The following ULK4 variants were observed in gnomAD, a reference collection of about 807,000 sequenced individuals.
ULK4 encodes the protein unc-51 like kinase 4.
Under a neutral mutation model 160.6 loss-of-function variants are expected in ULK4, and 133 were observed. That is an observed-to-expected ratio of 0.83 (90% CI 0.72 to 0.96). ULK4 has a LOEUF of 0.96. ULK4 is among the 40% of genes least tolerant of loss of function. The pLI is 0.00. For missense variants in ULK4, 1,580 were observed against 1,499.5 expected (o/e 1.05, Z -0.89); for synonymous variants, 534 against 539.8 (o/e 0.99, Z 0.15).
At chr3:41,742,337 T>C (rs1056161104) in intron 22 of ULK4, among the ~76,000 whole-genome samples, 11 of 151,958 alleles carry the variant, frequency 7.2e-5, no homozygotes, top group Non-Finnish European at 1.2e-4. Flanking sequence ...CCCTGCCCAA[T>C]AGAAACAGGC....
At chr3:41,423,968 C>G (rs763463595) in intron 34 of ULK4, among the ~76,000 whole-genome samples, 5 of 152,122 alleles carry the variant, frequency 3.3e-5, no homozygotes, top group Non-Finnish European at 5.9e-5. Context: ...CTGGAGACAA[C>G]CTAAGATTAC....
At chr3:41,531,729 G>T (rs59293285) in intron 32 of ULK4, among the ~76,000 whole-genome samples, 1 of 152,184 alleles carries the variant, frequency 6.6e-6, no homozygotes, top group East Asian at 1.9e-4. Flanking sequence ...TTTCAAAGAG[G>T]AAAACCAGAG....
chr3:41,678,629 A>G (rs940511503), intron 29 of ULK4, among the ~76,000 whole-genome samples: 1 of 152,210 alleles, frequency 6.6e-6, no homozygotes, highest in Non-Finnish European at 1.5e-5. Flanking sequence ...CAAATAAACT[A>G]TTTTATAAGT....
chr3:41,658,450 G>A (rs17059999), intron 30 of ULK4, among the ~76,000 whole-genome samples: 8,856 of 152,152 alleles, frequency 0.058, 869 homozygotes, highest in African/African-American at 0.2. Context: ...GCAATTCCAC[G>A]TCTCATTTAT....
intron 30 of ULK4, among the ~76,000 whole-genome samples, chr3:41,640,396 T>C (rs1326569719): frequency 6.6e-6 from 1 of 152,158 alleles, no homozygotes; most frequent in African/African-American, 2.4e-5. Context: ...TGCAATAAAA[T>C]AATTACGGTA....
chr3:41,649,329 AG>A (rs948495528), intron 30 of ULK4, among the ~76,000 whole-genome samples: 7 of 152,148 alleles, frequency 4.6e-5, no homozygotes, highest in African/African-American at 1.7e-4. Context: ...AGCAAGAGGC[AG>A]GAACAGGCAG....
intron 35 of ULK4, among the ~76,000 whole-genome samples, chr3:41,336,762 G>A (rs537465534): frequency 8.9e-4 from 136 of 152,296 alleles, no homozygotes; most frequent in African/African-American, 3.2e-3. Flanking sequence ...GGTCTCCTGG[G>A]CAGTCTGGAA....
At chr3:41,566,665 T>G (rs531557697) in intron 31 of ULK4, among the ~76,000 whole-genome samples, 1 of 152,196 alleles carries the variant, frequency 6.6e-6, no homozygotes, top group Non-Finnish European at 1.5e-5. Context: ...GGCAGTAACT[T>G]AGGTCCTAAA....
chr3:41,260,694 G>A (rs1041017065), intron 35 of ULK4, among the ~76,000 whole-genome samples: 1 of 152,206 alleles, frequency 6.6e-6, no homozygotes, highest in East Asian at 1.9e-4. Flanking sequence ...AAGAGGCAGG[G>A]TCTTACAGAA....
chr3:41,910,978 C>T (rs1272115755), intron 11 of ULK4, among the ~76,000 whole-genome samples: 1 of 152,106 alleles, frequency 6.6e-6, no homozygotes, highest in Non-Finnish European at 1.5e-5. Flanking sequence ...CAAAACAAAC[C>T]AAACAAGCTG....
chr3:41,803,683 T>C (rs1206893247), intron 19 of ULK4, among the ~76,000 whole-genome samples: 1 of 152,138 alleles, frequency 6.6e-6, no homozygotes, highest in Non-Finnish European at 1.5e-5. Context: ...CCCCTTCCTG[T>C]GTCCATGTGT....
intron 25 of ULK4, among the ~76,000 whole-genome samples, chr3:41,714,556 T>C (rs1375499629): frequency 6.6e-6 from 1 of 152,182 alleles, no homozygotes; most frequent in Non-Finnish European, 1.5e-5. Context: ...CAACCATATA[T>C]ACTGTAACTA....
intron 30 of ULK4, among the ~76,000 whole-genome samples, chr3:41,662,194 A>C (rs1389012914): frequency 2.6e-5 from 4 of 152,204 alleles, no homozygotes; most frequent in Admixed American, 2.6e-4. Context: ...GGAATTTGGA[A>C]GGCTCATTGC....
intron 32 of ULK4, among the ~76,000 whole-genome samples, chr3:41,551,148 G>T (rs1285140032): frequency 6.6e-6 from 1 of 151,186 alleles, no homozygotes; most frequent in Non-Finnish European, 1.5e-5. Flanking sequence ...TGCTAAGAGG[G>T]AAGTTTATAG....
At chr3:41,626,806 G>A (rs569685427) in intron 30 of ULK4, among the ~76,000 whole-genome samples, 70 of 152,182 alleles carry the variant, frequency 4.6e-4, no homozygotes, top group African/African-American at 1.5e-3. Context: ...GATTATAAGC[G>A]TGAGCCACCG....
intron 21 of ULK4, among the ~76,000 whole-genome samples, chr3:41,776,387 A>C (rs912561951): frequency 6.6e-6 from 1 of 150,800 alleles, no homozygotes; most frequent in African/African-American, 2.5e-5. Flanking sequence ...ATTTTCTTTT[A>C]AGTTTTTTTC....
chr3:41,919,868 C>G, intron 5 of ULK4, 50 bp from the exon 6 acceptor site: 1 of 1,253,360 alleles, frequency 8.0e-7, no homozygotes, highest in South Asian at 1.3e-5. Flanking sequence ...GTATTGCTGC[C>G]AACACGAACC....
chr3:41,272,343 GTTTTTTTT>G (rs3038324), intron 35 of ULK4, among the ~76,000 whole-genome samples: 20 of 95,480 alleles, frequency 2.1e-4, no homozygotes, highest in Admixed American at 5.9e-4. Context: ...AATTTTGAAA[GTTTTTTTT>G]TTTTTTTTTT....
chr3:41,871,907 C>T (rs1439447500), intron 17 of ULK4, among the ~76,000 whole-genome samples: 1 of 152,090 alleles, frequency 6.6e-6, no homozygotes, highest in Non-Finnish European at 1.5e-5. Context: ...ATCTCTTTAT[C>T]TAAGTCAGGG....
Sources: gnomAD v4.1 joint callset for allele counts (sites outside exome capture counted in the v4.1 genomes callset) on GRCh38, gnomAD v4.1.1 for gene constraint, MANE v1.5 for transcripts, NCBI Gene and HGNC (gene_info 2026-07-23, HGNC 2026-07-21) for gene names.